The following RNF6 variants were observed in gnomAD, a reference collection of about 807,000 sequenced individuals.
RNF6 encodes the protein ring finger protein 6.
Under a neutral mutation model 50.1 loss-of-function variants are expected in RNF6, and 21 were observed. The ratio of observed to expected loss-of-function variants is 0.42; its 90% CI spans 0.30 to 0.60. RNF6 has a LOEUF of 0.60. Ranked by LOEUF, RNF6 falls within the 20% of genes least tolerant of loss-of-function variation. RNF6 has a pLI of 0.20. For missense variants in RNF6, 698 were observed against 838.2 expected (o/e 0.83, Z 2.07); for synonymous variants, 255 against 291.8 (o/e 0.87, Z 1.29).
chr13:26,150,298 T>C (rs1203601759), intron 5 of RNF6, among the ~76,000 whole-genome samples: 1 of 152,136 alleles, frequency 6.6e-6, no homozygotes, highest in African/African-American at 2.4e-5. Context: ...ATTTTAGTGA[T>C]GTCATGTCTT....
intron 5 of RNF6, among the ~76,000 whole-genome samples, chr13:26,142,682 A>C (rs926910875): frequency 1.1e-4 from 16 of 152,278 alleles, no homozygotes; most frequent in Non-Finnish European, 2.2e-4. Context: ...GGGTACACAC[A>C]GACATAAGAT....
chr13:26,192,484 C>T (rs1411747854), intron 5 of RNF6, among the ~76,000 whole-genome samples: 1 of 152,178 alleles, frequency 6.6e-6, no homozygotes, highest in Non-Finnish European at 1.5e-5. Context: ...TAATAGTCTT[C>T]CCTTGAGGGT....
At chr13:26,175,511 C>T (rs772973725) in intron 5 of RNF6, among the ~76,000 whole-genome samples, 49 of 152,206 alleles carry the variant, frequency 3.2e-4, no homozygotes, top group Non-Finnish European at 5.9e-4. Context: ...GCAGGATAGC[C>T]TTAGTGCTCA....
downstream of RNF6, among the ~76,000 whole-genome samples, chr13:26,211,615 G>A (rs531394052): frequency 6.6e-6 from 1 of 152,150 alleles, no homozygotes; most frequent in South Asian, 2.1e-4. Flanking sequence ...AAAATTCGCC[G>A]GGCGTGGTGG....
chr13:26,216,013 G>C (rs1241675306), intron 4 of RNF6, among the ~76,000 whole-genome samples: 1 of 152,124 alleles, frequency 6.6e-6, no homozygotes, highest in Non-Finnish European at 1.5e-5. Context: ...AATCTTTCTG[G>C]AAAAGCCAAC....
Position 26,213,501 on chromosome 13 carries a change from A to C in RNF6, c.*323T>G, listed in dbSNP as rs1280721885. On this transcript the variant is annotated 3_prime_UTR_variant, in exon 5 of 5. Coordinates refer to ENST00000381588, the MANE Select transcript of RNF6 (RefSeq NM_005977.4). Reference sequence around the variant, plus strand: ...GCTAAAGTCTGCTGTACTATTAAGAAAAAGAAGATTGATTCTTAACCTACT... The same window carrying C: ...GCTAAAGTCTGCTGTACTATTAAGACAAAGAAGATTGATTCTTAACCTACT... 5.5e-6 allele frequency: 1 copy of C among 183,354 alleles called. No individual in the cohort carries two copies. Among genetic ancestry groups the C allele is most frequent in the East Asian group, 1.4e-4 (1 of 6,974 alleles). 11.4% of individuals were successfully genotyped at this position (183,354 alleles called of 1,614,324 possible).
chr13:26,174,355 A>G (rs1013906618), intron 5 of RNF6, among the ~76,000 whole-genome samples: 10 of 152,150 alleles, frequency 6.6e-5, no homozygotes, highest in African/African-American at 2.4e-4. Context: ...GTAAAGGGAC[A>G]GCAAACTGAA....
In RNF6 at chr13:26,143,504, A is replaced by G. The variant is rs528974923; in HGVS notation, n.769-11053T>C. On this transcript the variant is annotated intron_variant and non_coding_transcript_variant, in intron 5 of 5. Coordinates refer to the RNF6 transcript ENST00000468480. ...TTCAAAACTAAGACCTCAGAGCATAAGGTTGTAGGAACAGGAAGAAAACTT... is the reference window on the plus strand; with the variant it reads ...TTCAAAACTAAGACCTCAGAGCATAGGGTTGTAGGAACAGGAAGAAAACTT... Among the ~76,000 whole-genome samples, 5 of 149,614 alleles carry G rather than the reference A, an allele frequency of 3.3e-5. No homozygotes were observed. The East Asian group carries it at 9.9e-4, about 30-fold the overall frequency.
At chr13:26,209,791 A>ATG (rs1287547524), downstream of RNF6, among the ~76,000 whole-genome samples, 1 of 152,084 alleles carries the variant, frequency 6.6e-6, no homozygotes, top group East Asian at 1.9e-4. Context: ...TGTGAGATAT[A>ATG]TATATATATA....
chr13:26,211,692 A>C (rs1020348275), downstream of RNF6, among the ~76,000 whole-genome samples: 1 of 152,134 alleles, frequency 6.6e-6, no homozygotes, highest in African/African-American at 2.4e-5. Context: ...TGTGAGGCGG[A>C]GGTTGCAGCG....
chr13:26,141,594 G>T (rs1024116148), intron 5 of RNF6, among the ~76,000 whole-genome samples: 2 of 152,068 alleles, frequency 1.3e-5, no homozygotes, highest in African/African-American at 2.4e-5. Flanking sequence ...ACAACCAATT[G>T]ATAGTTGACA....
intron 5 of RNF6, among the ~76,000 whole-genome samples, chr13:26,179,447 C>A (rs1363998139): frequency 6.6e-6 from 1 of 152,150 alleles, no homozygotes; most frequent in Non-Finnish European, 1.5e-5. Context: ...AAAAGCACTC[C>A]ACTCTGGGTT....
At chr13:26,187,402 G>T (rs17071948) in intron 5 of RNF6, among the ~76,000 whole-genome samples, 12 of 152,082 alleles carry the variant, frequency 7.9e-5, no homozygotes, top group African/African-American at 2.2e-4. Flanking sequence ...ATGTCAGCCC[G>T]TGAGCTCTGG....
intron 5 of RNF6, among the ~76,000 whole-genome samples, chr13:26,133,908 T>A (rs1027147083): frequency 6.6e-6 from 1 of 152,192 alleles, no homozygotes; most frequent in Non-Finnish European, 1.5e-5. Flanking sequence ...TGACGAAGAT[T>A]TTCAATTGAA....
At chr13:26,221,654 T>G (rs763711506) in intron 1 of RNF6, 1 of 152,188 alleles carries the variant, frequency 6.6e-6, no homozygotes, top group Non-Finnish European at 1.5e-5. Flanking sequence ...CTTCTAAACC[T>G]TGACTTTCTT....
At chr13:26,189,335 A>C (rs1207686914) in intron 5 of RNF6, among the ~76,000 whole-genome samples, 1 of 151,946 alleles carries the variant, frequency 6.6e-6, no homozygotes, top group Non-Finnish European at 1.5e-5. Flanking sequence ...CTCAAAAAAA[A>C]CGCTTCCTAT....
intron 5 of RNF6, among the ~76,000 whole-genome samples, chr13:26,176,745 C>T (rs1003161057): frequency 8.5e-5 from 13 of 152,156 alleles, no homozygotes; most frequent in African/African-American, 2.7e-4. Context: ...CCAGCCTGAG[C>T]AGGATGGTGA....
Position 26,215,444 on chromosome 13 carries a change from C to G in RNF6, c.438G>C (p.Glu146Asp). Reference sequence around the variant, plus strand: ...CGTGGATTTCCAAACTAAACCGAAACTCTCCATTGTTCGGGTTTGTTCGAC... The same window carrying G: ...CGTGGATTTCCAAACTAAACCGAAAGTCTCCATTGTTCGGGTTTGTTCGAC... ...AVSRTNPNNG[E>D]FRFSLEIHVN... Residue 146 changes from glutamate (E) to aspartate (D), a missense_variant, in exon 5 of 5, where the codon GAG (glutamate) becomes GAC (aspartate). By Grantham distance (45) the Glu-to-Asp change is conservative (BLOSUM62 2). Coordinates refer to ENST00000381588, the MANE Select transcript of RNF6 (RefSeq NM_005977.4). The G allele has an allele frequency of 6.2e-7, 1 of 1,614,198 alleles. No individual in the cohort carries two copies. Among genetic ancestry groups the G allele is most frequent in the South Asian group, 1.1e-5 (1 of 91,084 alleles).
At chr13:26,211,931 T>G (rs909275266), downstream of RNF6, among the ~76,000 whole-genome samples, 1 of 152,250 alleles carries the variant, frequency 6.6e-6, no homozygotes, top group South Asian at 2.1e-4. Context: ...TAGGTGATTC[T>G]CTCTTCCACC....
Sources: gnomAD v4.1 joint callset for allele counts (sites outside exome capture counted in the v4.1 genomes callset) on GRCh38, gnomAD v4.1.1 for gene constraint, MANE v1.5 for transcripts, NCBI Gene and HGNC (gene_info 2026-07-23, HGNC 2026-07-21) for gene names.